MAN2A1: variants seen among roughly 807,000 people sequenced by gnomAD.
MAN2A1 encodes the protein mannosidase alpha class 2A member 1.
A neutral mutation model predicts 142.6 loss-of-function variants in MAN2A1; 76 were observed. The ratio of observed to expected loss-of-function variants is 0.53; its 90% confidence interval spans 0.44 to 0.65. MAN2A1 has a LOEUF of 0.65. MAN2A1 is among the 30% of genes least tolerant of loss of function. MAN2A1 has a pLI of 0.00. For missense variants in MAN2A1, 1,311 were observed against 1,365.1 expected, an observed-to-expected ratio of 0.96 and a Z score of 0.62; for synonymous variants, 559 against 473.2, an observed-to-expected ratio of 1.18 and a Z score of -2.35.
At chr5:109,707,542 A>G (rs1268124327) in intron 1 of MAN2A1, among the ~76,000 whole-genome samples, 1 of 152,190 alleles carries the variant, frequency 6.6e-6, no homozygotes, top group East Asian at 1.9e-4. Context: ...ACATGAATAA[A>G]ATAGATAATT....
intron 13 of MAN2A1, among the ~76,000 whole-genome samples, chr5:109,819,339 A>G (rs1459261490): frequency 2.0e-5 from 3 of 152,220 alleles, no homozygotes; most frequent in Admixed American, 6.5e-5. Flanking sequence ...GTTGAGGAGC[A>G]TCTGCATTTG....
chr5:109,812,260 T>C (rs973675580), intron 12 of MAN2A1, among the ~76,000 whole-genome samples: 8 of 152,248 alleles, frequency 5.3e-5, no homozygotes, highest in African/African-American at 1.9e-4. Context: ...AAACTCTAAG[T>C]GACATGGTGG....
At chr5:109,698,714 C>T (rs544727401) in intron 1 of MAN2A1, among the ~76,000 whole-genome samples, 3 of 152,174 alleles carry the variant, frequency 2.0e-5, no homozygotes, top group Non-Finnish European at 4.4e-5. Context: ...CTTGCTGGTG[C>T]ACTTCATTGG....
intron 10 of MAN2A1, among the ~76,000 whole-genome samples, chr5:109,787,334 A>G (rs1356250849): frequency 6.6e-6 from 1 of 152,032 alleles, no homozygotes; most frequent in Non-Finnish European, 1.5e-5. Context: ...CAACAACCAT[A>G]ACAGCAAACT....
intron 12 of MAN2A1, among the ~76,000 whole-genome samples, chr5:109,800,421 A>G (rs1753990049): frequency 6.6e-6 from 1 of 152,168 alleles, no homozygotes; most frequent in South Asian, 2.1e-4. Context: ...CTTTAAGGAA[A>G]ATGACCTACT....
At chr5:109,866,745 C>A in intron 21 of MAN2A1, 101 bp from the exon 22 acceptor site, 1 of 677,118 alleles carries the variant, frequency 1.5e-6, no homozygotes. Flanking sequence ...CTTCAACATA[C>A]TGTTTTATTC....
intron 7 of MAN2A1, among the ~76,000 whole-genome samples, chr5:109,773,290 G>C (rs1436788768): frequency 4.6e-5 from 7 of 152,244 alleles, no homozygotes; most frequent in East Asian, 1.9e-4. Flanking sequence ...AGTGTTAAAG[G>C]CATGCCATTA....
intron 6 of MAN2A1, among the ~76,000 whole-genome samples, chr5:109,767,912 G>A (rs1753037146): frequency 6.6e-6 from 1 of 152,158 alleles, no homozygotes; most frequent in Non-Finnish European, 1.5e-5. Context: ...TAGAGCATAG[G>A]AGAATCTTTT....
At chr5:109,724,598 T>G (rs1043147601) in intron 3 of MAN2A1, among the ~76,000 whole-genome samples, 3 of 152,166 alleles carry the variant, frequency 2.0e-5, no homozygotes, top group Non-Finnish European at 4.4e-5. Flanking sequence ...TATTTTTTAT[T>G]CAAAAACTTT....
intron 8 of MAN2A1, among the ~76,000 whole-genome samples, chr5:109,780,510 CTGTGTGTGTGTGTGTGTG>C (rs113661582): frequency 8.4e-5 from 12 of 143,670 alleles, no homozygotes; most frequent in South Asian, 2.2e-4. Flanking sequence ...CTTGCAATAT[CTGTGTGTGTGTGTGTGTG>C]TGTGTGTGTG....
intron 4 of MAN2A1, among the ~76,000 whole-genome samples, chr5:109,734,802 A>G (rs1012437411): frequency 1.4e-4 from 21 of 152,106 alleles, no homozygotes; most frequent in African/African-American, 3.9e-4. Context: ...TATGTGGTCA[A>G]TTTTGGAATA....
rs868172236 is a variant in MAN2A1, at chr5:109,734,822, C to T, written c.707+5309C>T. On this transcript the variant is annotated intron_variant, in intron 4 of 21. Transcript: ENST00000261483. ...GGTCAATTTTGGAATAGGTGTGGTG[C>T]GGTGCTGAAAAAAATGTATATTCTG... Among the ~76,000 whole-genome samples the T allele has an allele frequency of 2.6e-3, 387 of 150,738 alleles. 2 individuals are homozygous for T. Among genetic ancestry groups the T allele is most frequent in the African/African-American group, 8.3e-3 (342 of 41,088 alleles).
intron 4 of MAN2A1, among the ~76,000 whole-genome samples, chr5:109,739,479 A>T (rs1005431617): frequency 6.6e-6 from 1 of 151,030 alleles, no homozygotes; most frequent in African/African-American, 2.4e-5. Context: ...GTTTTGGGAG[A>T]TTTTTCCCAA....
intron 12 of MAN2A1, among the ~76,000 whole-genome samples, chr5:109,815,227 G>A (rs768083323): frequency 2.0e-5 from 3 of 152,130 alleles, no homozygotes; most frequent in Non-Finnish European, 4.4e-5. Context: ...ACAGTCAGGC[G>A]AAATGTAATC....
intron 15 of MAN2A1, among the ~76,000 whole-genome samples, chr5:109,822,489 A>C (rs1754652317): frequency 6.6e-6 from 1 of 152,052 alleles, no homozygotes; most frequent in South Asian, 2.1e-4. Flanking sequence ...GGAAAGAGGC[A>C]GTCTAGTGCA....
chr5:109,824,492 T>C (rs1363815934), intron 16 of MAN2A1, among the ~76,000 whole-genome samples: 2 of 152,194 alleles, frequency 1.3e-5, no homozygotes, highest in East Asian at 1.9e-4. Flanking sequence ...TTAGAATTCA[T>C]TGTTTGTAGA....
intron 20 of MAN2A1, among the ~76,000 whole-genome samples, chr5:109,859,396 G>A (rs188625418): frequency 9.8e-4 from 149 of 152,188 alleles, no homozygotes; most frequent in Non-Finnish European, 1.5e-3. Flanking sequence ...ATTATATGCC[G>A]TATATTTGTA....
At chr5:109,722,231 C>T (rs1751624410) in intron 3 of MAN2A1, among the ~76,000 whole-genome samples, 1 of 152,248 alleles carries the variant, frequency 6.6e-6, no homozygotes. Context: ...AGCTATCTTG[C>T]AAAAGTGGAC....
intron 12 of MAN2A1, among the ~76,000 whole-genome samples, chr5:109,799,712 C>A (rs1184708512): frequency 1.3e-5 from 2 of 151,514 alleles, no homozygotes; most frequent in East Asian, 3.9e-4. Context: ...CGAGGTTGCA[C>A]CATGGCACTC....
Sources: allele counts gnomAD v4.1 joint callset (sites outside exome capture counted in the v4.1 genomes callset), GRCh38; gene constraint gnomAD v4.1.1; transcripts MANE v1.5; gene names NCBI Gene and HGNC (gene_info 2026-07-23, HGNC 2026-07-21).